Variants in TCF12 observed in about 807,000 individuals in gnomAD.
TCF12 encodes the protein DNA-binding protein HTF4.
Under a neutral mutation model 86.0 loss-of-function variants are expected in TCF12, and 45 were observed. The observed-to-expected ratio is 0.52, with a 90% CI of 0.41 to 0.67. The LOEUF (loss-of-function observed/expected upper bound fraction) is 0.67. TCF12 is among the 30% of genes least tolerant of loss of function. The pLI, the probability that TCF12 is intolerant of heterozygous loss-of-function variation, is 0.00. For missense variants in TCF12, 881 were observed against 859.9 expected, an observed-to-expected ratio of 1.02 and a Z score of -0.31; for synonymous variants, 330 against 299.6, an observed-to-expected ratio of 1.10 and a Z score of -1.05.
intron 3 of TCF12, among the ~76,000 whole-genome samples, chr15:56,950,807 A>G (rs1342376019): frequency 1.8e-5 from 2 of 113,460 alleles, no homozygotes; most frequent in African/African-American, 7.0e-5. Flanking sequence ...CCCAGATTGG[A>G]GTGCAATGGC....
intron 12 of TCF12, among the ~76,000 whole-genome samples, chr15:57,240,970 T>C (rs1240267173): frequency 6.6e-6 from 1 of 151,966 alleles, no homozygotes; most frequent in Non-Finnish European, 1.5e-5. Context: ...CTAATTTACT[T>C]ATGTGGTTGA....
At chr15:57,238,607 T>C (rs2059476271) in intron 12 of TCF12, among the ~76,000 whole-genome samples, 1 of 152,210 alleles carries the variant, frequency 6.6e-6, no homozygotes, top group African/African-American at 2.4e-5. Flanking sequence ...CCACATTGTA[T>C]AAATACCAAG....
At chr15:57,006,592 A>T (rs114040019) in intron 3 of TCF12, among the ~76,000 whole-genome samples, 147 of 152,146 alleles carry the variant, frequency 9.7e-4, no homozygotes, top group African/African-American at 3.4e-3. Context: ...CAGGAGTTCG[A>T]GATAGCTATT....
At chr15:56,994,579 A>C (rs766121594) in intron 3 of TCF12, among the ~76,000 whole-genome samples, 5 of 152,152 alleles carry the variant, frequency 3.3e-5, no homozygotes, top group Non-Finnish European at 7.4e-5. Flanking sequence ...AGCCAGAGGA[A>C]AATGACATTG....
intron 5 of TCF12, among the ~76,000 whole-genome samples, chr15:57,146,750 G>T (rs958642142): frequency 6.6e-6 from 1 of 152,126 alleles, no homozygotes; most frequent in Non-Finnish European, 1.5e-5. Context: ...TGAGCTTTCA[G>T]ATTTCACAAA....
intron 20 of TCF12, among the ~76,000 whole-genome samples, chr15:57,283,942 T>C (rs1363566170): frequency 6.6e-6 from 1 of 152,146 alleles, no homozygotes; most frequent in Admixed American, 6.5e-5. Flanking sequence ...AAGGCAGTTA[T>C]TTCGTAAGTC....
At chr15:56,996,533 A>C (rs992481177) in intron 3 of TCF12, among the ~76,000 whole-genome samples, 1 of 152,134 alleles carries the variant, frequency 6.6e-6, no homozygotes, top group Non-Finnish European at 1.5e-5. Context: ...CAGACTTTAC[A>C]AATCCTGTAC....
At chr15:57,125,745 T>C (rs1323930963) in intron 5 of TCF12, among the ~76,000 whole-genome samples, 1 of 152,250 alleles carries the variant, frequency 6.6e-6, no homozygotes, top group African/African-American at 2.4e-5. Flanking sequence ...ATTGTTTATG[T>C]AGTTTTAAAA....
chr15:57,280,928 TA>T (rs1475850598), intron 19 of TCF12, among the ~76,000 whole-genome samples: 1 of 152,226 alleles, frequency 6.6e-6, no homozygotes, highest in Non-Finnish European at 1.5e-5. Context: ...TAACCTATAC[TA>T]TATGTTATAA....
intron 5 of TCF12, among the ~76,000 whole-genome samples, chr15:57,092,543 A>T (rs2049057642): frequency 6.6e-6 from 1 of 152,120 alleles, no homozygotes; most frequent in Admixed American, 6.6e-5. Context: ...TCTCAAATGA[A>T]AGTTTAAAGT....
chr15:57,224,126 A>G (rs2058754865), intron 8 of TCF12, among the ~76,000 whole-genome samples: 1 of 151,782 alleles, frequency 6.6e-6, no homozygotes, highest in South Asian at 2.1e-4. Context: ...TACATACTAG[A>G]AGGTATGTTG....
At chr15:57,075,782 CTTTCTT>C (rs1375862631) in intron 4 of TCF12, among the ~76,000 whole-genome samples, 16 of 52,854 alleles carry the variant, frequency 3.0e-4, no homozygotes, top group African/African-American at 1.2e-3. Flanking sequence ...TTCTTTCTTT[CTTTCTT>C]TCTTTCTTTC....
chr15:57,140,944 CTAATAATG>C (rs2052917384), intron 5 of TCF12, among the ~76,000 whole-genome samples: 1 of 152,242 alleles, frequency 6.6e-6, no homozygotes, highest in Non-Finnish European at 1.5e-5. Flanking sequence ...TTGAACATCT[CTAATAATG>C]TAATACGTTC....
chr15:57,007,064 A>G (rs777616382), intron 3 of TCF12, among the ~76,000 whole-genome samples: 1 of 152,220 alleles, frequency 6.6e-6, no homozygotes, highest in Non-Finnish European at 1.5e-5. Context: ...AAGGTTAATG[A>G]AATGTTTTAA....
At chr15:57,230,221 TTG>T (rs1333697294) in intron 8 of TCF12, among the ~76,000 whole-genome samples, 1 of 151,974 alleles carries the variant, frequency 6.6e-6, no homozygotes, top group Non-Finnish European at 1.5e-5. Flanking sequence ...AATTTTTATT[TTG>T]TTGAATTTTT....
chr15:56,919,876 G>C lies in TCF12; in HGVS notation c.-22-16G>C, dbSNP rs762583478. On this transcript the variant is annotated splice_polypyrimidine_tract_variant and intron_variant, in intron 1 of 20. Transcript: ENST00000333725. The stretch of plus-strand genomic sequence containing the variant: ...GCCTCGGTGGTCTCTCGCTGAGCCC[G>C]TTTCCTCTGCCCTAGGACCTGCTAG... The C allele has an allele frequency of 1.2e-6, 2 of 1,611,176 alleles. No homozygotes were observed. Among genetic ancestry groups the C allele is most frequent in the Non-Finnish European group, 1.7e-6 (2 of 1,178,100 alleles).
intron 5 of TCF12, among the ~76,000 whole-genome samples, chr15:57,137,409 T>G (rs2052631288): frequency 6.6e-6 from 1 of 152,228 alleles, no homozygotes. Context: ...TCCACTTTGG[T>G]AAAAGTTTGA....
At chr15:56,976,041 T>A (rs1004260122) in intron 3 of TCF12, among the ~76,000 whole-genome samples, 20 of 151,926 alleles carry the variant, frequency 1.3e-4, no homozygotes, top group Non-Finnish European at 2.5e-4. Context: ...ACACCGTATA[T>A]GTTTAAATGG....
intron 3 of TCF12, among the ~76,000 whole-genome samples, chr15:57,053,808 G>A (rs1435655572): frequency 6.6e-6 from 1 of 152,116 alleles, no homozygotes; most frequent in Non-Finnish European, 1.5e-5. Flanking sequence ...GTGCTATAGA[G>A]ATCAAAGAAA....
Sources: gnomAD v4.1 joint callset for allele counts (sites outside exome capture counted in the v4.1 genomes callset) on GRCh38, gnomAD v4.1.1 for gene constraint, MANE v1.5 for transcripts, NCBI Gene and HGNC (gene_info 2026-07-23, HGNC 2026-07-21) for gene names.